The following GTF2F2 variants were observed in gnomAD, a reference collection of about 807,000 sequenced individuals.
GTF2F2 encodes the protein general transcription factor IIF subunit 2, also known as ATP-dependent helicase GTF2F2.
A neutral mutation model predicts 42.2 loss-of-function variants in GTF2F2; 23 were observed. The ratio of observed to expected loss-of-function variants is 0.55; its 90% CI spans 0.39 to 0.77. The LOEUF (loss-of-function observed/expected upper bound fraction) is 0.77. GTF2F2 is among the 30% of genes least tolerant of loss of function. The pLI, the probability that GTF2F2 is intolerant of heterozygous loss-of-function variation, is 0.00. For missense variants in GTF2F2, 261 were observed against 287.2 expected (o/e 0.91, Z 0.66); for synonymous variants, 105 against 100.8 (o/e 1.04, Z -0.25).
intron 5 of GTF2F2, among the ~76,000 whole-genome samples, chr13:45,235,102 A>G (rs1002503736): frequency 1.1e-4 from 17 of 151,280 alleles, no homozygotes; most frequent in African/African-American, 3.9e-4. Flanking sequence ...TGAGAAGGCT[A>G]ATAACATGAA....
intron 4 of GTF2F2, 79 bp downstream of exon 4, chr13:45,151,910 G>GTT (rs1491051989): frequency 3.8e-5 from 11 of 286,290 alleles, no homozygotes; most frequent in South Asian, 3.6e-4. Flanking sequence ...ACTCCTATTT[G>GTT]CTTTTTTTTT....
rs7328222 is a variant in GTF2F2 at position 45,134,974 on chromosome 13, A to T, written c.67-1759A>T. ...CTAACTTTTTTTTTTTTTTTTTGAC[A>T]CAAGAGTCTCTCTCTGTCACCCAGG... is the stretch of plus-strand genomic sequence containing the variant. On this transcript the variant is annotated intron_variant, in intron 1 of 7. Coordinates refer to ENST00000340473, the MANE Select transcript of GTF2F2 (RefSeq NM_004128.3). Among the ~76,000 whole-genome samples, 43 of 149,562 alleles carry T rather than the reference A, an allele frequency of 2.9e-4. No individual in the cohort carries two copies. The East Asian group carries it at 7.9e-3, about 27-fold the overall frequency.
intron 5 of GTF2F2, among the ~76,000 whole-genome samples, chr13:45,234,938 G>A (rs1047960611): frequency 2.0e-5 from 3 of 150,094 alleles, no homozygotes; most frequent in Non-Finnish European, 3.0e-5. Context: ...CCAGCTATTC[G>A]GGAGGCCGAG....
chr13:45,125,278 T>A (rs912414), intron 1 of GTF2F2, among the ~76,000 whole-genome samples: 1 of 152,088 alleles, frequency 6.6e-6, no homozygotes, highest in Admixed American at 6.6e-5. Context: ...GCCATAGAAA[T>A]TTTTTTTCCC....
intron 5 of GTF2F2, among the ~76,000 whole-genome samples, chr13:45,217,359 C>T (rs1030854522): frequency 2.6e-5 from 4 of 151,130 alleles, no homozygotes; most frequent in Non-Finnish European, 4.4e-5. Context: ...TTTCTCTTCA[C>T]ACAGAATAAG....
chr13:45,181,285 T>C (rs1872159008), intron 4 of GTF2F2, among the ~76,000 whole-genome samples: 1 of 151,944 alleles, frequency 6.6e-6, no homozygotes, highest in Non-Finnish European at 1.5e-5. Flanking sequence ...TCTTGCTGGC[T>C]ACCTTAAAAA....
At chr13:45,195,500 C>A (rs766208243) in intron 4 of GTF2F2, among the ~76,000 whole-genome samples, 1 of 151,888 alleles carries the variant, frequency 6.6e-6, no homozygotes, top group Non-Finnish European at 1.5e-5. Flanking sequence ...ATACCTACTA[C>A]AAAATAGTGT....
At chr13:45,194,497 G>A (rs1451584077) in intron 4 of GTF2F2, 1 of 1,614,072 alleles carries the variant, frequency 6.2e-7, no homozygotes, top group Admixed American at 1.7e-5. Flanking sequence ...TCCTTGATCA[G>A]TATCTTCCAG....
chr13:45,147,296 A>G (rs1163153875), intron 2 of GTF2F2, among the ~76,000 whole-genome samples: 2 of 152,028 alleles, frequency 1.3e-5, no homozygotes, highest in East Asian at 1.9e-4. Context: ...TTTACTTTCT[A>G]TGTGGGTGTT....
intron 7 of GTF2F2, among the ~76,000 whole-genome samples, chr13:45,270,300 C>A (rs1876735773): frequency 2.0e-5 from 3 of 152,020 alleles, no homozygotes; most frequent in Non-Finnish European, 4.4e-5. Flanking sequence ...GACATAGTAT[C>A]CATTTAAAGA....
chr13:45,152,464 A>G (rs1314238435), intron 4 of GTF2F2, among the ~76,000 whole-genome samples: 1 of 152,226 alleles, frequency 6.6e-6, no homozygotes, highest in Non-Finnish European at 1.5e-5. Context: ...TTTTGCCAAG[A>G]TAAGGTCATC....
At position 45,212,465 on chromosome 13, in the gene GTF2F2, T is replaced by TTTCTTTTC. The variant is rs1453218995; in HGVS notation, c.386+4961_386+4962insTCTTTTCT. Among the ~76,000 whole-genome samples the TTTCTTTTC allele has an allele frequency of 2.7e-3, 356 of 133,738 alleles. 20 individuals are homozygous for TTTCTTTTC. Among genetic ancestry groups the TTTCTTTTC allele is most frequent in the African/African-American group, 9.5e-3 (324 of 33,956 alleles). The allele number at this position is 133,738 out of a possible 152,430, so 87.7% of individuals were successfully genotyped here. On this transcript the variant is annotated intron_variant, in intron 5 of 7. Coordinates refer to ENST00000340473, the MANE Select transcript of GTF2F2 (RefSeq NM_004128.3). Reference sequence around the variant, plus strand: ...CTTTCTTGTTTCTTTCTTTCTTTCTTTCTTTCTTTCTTTCTTTCTTTCTTT... The same window carrying TTTCTTTTC: ...CTTTCTTGTTTCTTTCTTTCTTTCTTTTCTTTTCTCTTTCTTTCTTTCTTTCTTTCTTT...
Position 45,123,905 on chromosome 13 carries a change from G to A in GTF2F2, c.66+3184G>A, listed in dbSNP as rs1308112438. 8.5e-6 allele frequency: 3 copies of A among 351,502 alleles called. No homozygotes were observed. In the East Asian group the frequency reaches 1.4e-4, roughly 16 times the overall value. The allele number at this position is 351,502 out of a possible 1,614,324, so 21.8% of individuals were successfully genotyped here. ...GGGGTCTGCATGGAAGCTGTGAGGA[G>A]GGGAGAGTCTTAGTGTGGTTGGGGA... is the stretch of plus-strand genomic sequence containing the variant. On this transcript the variant is annotated intron_variant, in intron 1 of 7. Coordinates refer to ENST00000340473, the MANE Select transcript of GTF2F2 (RefSeq NM_004128.3).
intron 1 of GTF2F2, among the ~76,000 whole-genome samples, chr13:45,134,500 C>T (rs1379619682): frequency 6.6e-6 from 1 of 152,112 alleles, no homozygotes; most frequent in Non-Finnish European, 1.5e-5. Flanking sequence ...CTTAAAGCTA[C>T]CTCTGGAATT....
chr13:45,140,250 C>A (rs546188001), intron 2 of GTF2F2, among the ~76,000 whole-genome samples: 2 of 152,014 alleles, frequency 1.3e-5, no homozygotes, highest in Non-Finnish European at 1.5e-5. Context: ...CCATGCCCAG[C>A]CGATGTTTAA....
In GTF2F2 at chr13:45,273,940, T is replaced by G. The variant is rs1458941200; in HGVS notation, c.630+6564T>G. On this transcript the variant is annotated intron_variant, in intron 7 of 7. Coordinates refer to ENST00000340473, the MANE Select transcript of GTF2F2 (RefSeq NM_004128.3). ...GAAATAATTTCCCTCGGGAAAGAAATAATTTTCTTTGTGTTGGGCTCTGCG... is the reference window on the plus strand; with the variant it reads ...GAAATAATTTCCCTCGGGAAAGAAAGAATTTTCTTTGTGTTGGGCTCTGCG... Among the ~76,000 whole-genome samples the G allele has an allele frequency of 3.3e-5, 5 of 152,282 alleles. No homozygotes were observed. In the East Asian group the frequency reaches 9.6e-4, roughly 29 times the overall value.
chr13:45,232,066 G>A (rs1874711389), intron 5 of GTF2F2, among the ~76,000 whole-genome samples: 1 of 152,048 alleles, frequency 6.6e-6, no homozygotes. Flanking sequence ...GTATTCCATT[G>A]GCACTTATCA....
chr13:45,209,540 C>T (rs900365249), intron 5 of GTF2F2, among the ~76,000 whole-genome samples: 2 of 151,920 alleles, frequency 1.3e-5, no homozygotes, highest in South Asian at 2.1e-4. Context: ...TTTTTTTGAC[C>T]AAGTGGAGAA....
chr13:45,146,573 G>T (rs78562756), intron 2 of GTF2F2, among the ~76,000 whole-genome samples: 2,597 of 152,256 alleles, frequency 0.017, 73 homozygotes, highest in African/African-American at 0.06. Context: ...TGGAAAAGGT[G>T]TTGCTTATTG....
Sources: allele counts gnomAD v4.1 joint callset (sites outside exome capture counted in the v4.1 genomes callset), GRCh38; gene constraint gnomAD v4.1.1; transcripts MANE v1.5; gene names NCBI Gene and HGNC (gene_info 2026-07-23, HGNC 2026-07-21).